The following PRH1 variants were observed in gnomAD, a reference collection of about 807,000 sequenced individuals.
PRH1 encodes salivary acidic proline-rich phosphoprotein 1/2.
Under a neutral mutation model 7.9 loss-of-function variants are expected in PRH1, and 7 were observed. The observed-to-expected ratio is 0.89, with a 90% CI of 0.50 to 1.67. The LOEUF is 1.67. Among genes scored for constraint, PRH1 ranks in the 40% most tolerant of loss-of-function variants. The probability of loss-of-function intolerance (pLI) is 0.00; values close to 1 mark genes in which losing one functional copy is unlikely to be tolerated. For synonymous variants in PRH1, 45 were observed against 80.8 expected (o/e 0.56, Z 2.38); for missense variants, 109 against 223.6 (o/e 0.49, Z 3.27).
intron 1 of PRH1, chr12:11,091,771 C>T (rs374071892): frequency 0.27 from 199,021 of 729,380 alleles, 65,299 homozygotes; most frequent in Admixed American, 0.41. Flanking sequence ...CTTTTGTCCG[C>T]ACAATCTCAT....
At chr12:11,108,314 A>G (rs548006532) in intron 1 of PRH1, among the ~76,000 whole-genome samples, 32 of 152,348 alleles carry the variant, frequency 2.1e-4, no homozygotes, top group African/African-American at 7.5e-4. Context: ...GTGCATAAAC[A>G]TCACTTAAAT....
chr12:10,890,436 C>T (rs1949555015), intron 2 of PRH1, among the ~76,000 whole-genome samples: 1 of 151,962 alleles, frequency 6.6e-6, no homozygotes, highest in African/African-American at 2.4e-5. Context: ...TTGTTCAATC[C>T]TCATCAGTTG....
chr12:11,028,837 C>T (rs780314443), intron 1 of PRH1, among the ~76,000 whole-genome samples: 83 of 143,580 alleles, frequency 5.8e-4, no homozygotes, highest in South Asian at 9.3e-4. Context: ...AATAGCCAAA[C>T]TTTTCCTTAG....
chr12:11,124,090 G>T (rs2597933), intron 1 of PRH1, among the ~76,000 whole-genome samples: 1 of 151,872 alleles, frequency 6.6e-6, no homozygotes, highest in African/African-American at 2.4e-5. Flanking sequence ...GAAAGAAACC[G>T]GAAATGAAGT....
In PRH1 at chr12:11,168,279, A is replaced by G. The variant is rs867230602; in HGVS notation, n.39+3143T>C. ...AAGAAAGAAAGAAAGAAAGAAAGAAAGAAAGAAAGAAAGAAAGAAAGAAGG... is the reference window on the plus strand; with the variant it reads ...AAGAAAGAAAGAAAGAAAGAAAGAAGGAAAGAAAGAAAGAAAGAAAGAAGG... On this transcript the variant is annotated intron_variant and non_coding_transcript_variant, in intron 1 of 1. Coordinates refer to the PRH1 transcript ENST00000541175. 3.6e-3 allele frequency among the ~76,000 whole-genome samples: 121 copies of G among 33,388 alleles called. 30 individuals carry two copies. Among genetic ancestry groups the G allele is most frequent in the South Asian group, 9.6e-3 (10 of 1,040 alleles). 21.9% of individuals were successfully genotyped at this position (33,388 alleles called of 152,430 possible).
At chr12:11,055,976 A>T (rs1480931507) in intron 1 of PRH1, among the ~76,000 whole-genome samples, 2 of 152,280 alleles carry the variant, frequency 1.3e-5, no homozygotes, top group Non-Finnish European at 2.9e-5. Flanking sequence ...ATAATTTTGT[A>T]TAACTTATTG....
chr12:11,148,680 T>A (rs1946952905), intron 1 of PRH1, among the ~76,000 whole-genome samples: 1 of 117,058 alleles, frequency 8.5e-6, no homozygotes. Flanking sequence ...GCTGCTGGAT[T>A]CGGTTTGCCA....
intron 1 of PRH1, chr12:10,998,017 A>C: frequency 3.4e-6 from 2 of 591,010 alleles, no homozygotes; most frequent in Non-Finnish European, 5.7e-6. Context: ...TCTGTGAACA[A>C]TGTCAACAGA....
At chr12:10,986,347 CTGTATTCCT>C in intron 1 of PRH1, 1 of 1,613,980 alleles carries the variant, frequency 6.2e-7, no homozygotes, top group Non-Finnish European at 8.5e-7. Flanking sequence ...GAAAGATGTA[CTGTATTCCT>C]CAATTTCATC....
chr12:10,917,592 T>C (rs556977198), intron 2 of PRH1, among the ~76,000 whole-genome samples: 5 of 152,196 alleles, frequency 3.3e-5, no homozygotes, highest in Non-Finnish European at 7.3e-5. Context: ...CCCAGTGAAG[T>C]CTAGTGTTCT....
intron 1 of PRH1, among the ~76,000 whole-genome samples, chr12:11,072,572 A>G (rs1467654847): frequency 3.9e-5 from 6 of 152,238 alleles, no homozygotes; most frequent in African/African-American, 1.4e-4. Flanking sequence ...TACCATGACA[A>G]AACACTTGAA....
intron 2 of PRH1, among the ~76,000 whole-genome samples, chr12:10,903,121 C>T (rs1949746692): frequency 2.0e-5 from 3 of 152,100 alleles, no homozygotes; most frequent in African/African-American, 4.8e-5. Context: ...ACCCATCTCA[C>T]ATGTAATGTT....
downstream of PRH1, among the ~76,000 whole-genome samples, chr12:11,117,370 G>C (rs896893815): frequency 1.3e-5 from 2 of 151,838 alleles, no homozygotes; most frequent in African/African-American, 4.8e-5. Context: ...AGATGAAATA[G>C]CTCTATAATG....
chr12:10,904,818 C>A (rs1011700344), intron 2 of PRH1, among the ~76,000 whole-genome samples: 1 of 151,932 alleles, frequency 6.6e-6, no homozygotes, highest in Non-Finnish European at 1.5e-5. Flanking sequence ...GGAATGGAAA[C>A]AATTGAACAA....
intron 1 of PRH1, among the ~76,000 whole-genome samples, chr12:10,981,365 A>AT (rs528019045): frequency 0.09 from 9,988 of 111,210 alleles, 822 homozygotes; most frequent in Non-Finnish European, 0.12. Context: ...TTACTTCTGG[A>AT]TTTTTTTTTT....
Position 11,092,375 on chromosome 12 carries a change from C to G in PRH1, n.124-45187G>C. 4 of 475,598 alleles carry G rather than the reference C, an allele frequency of 8.4e-6. 1 individual carries two copies. The highest frequency in any genetic ancestry group is 1.5e-5 in the Non-Finnish European group (4 of 260,478). 29.5% of individuals were successfully genotyped at this position (475,598 alleles called of 1,614,324 possible). A position where few individuals can be genotyped will look rare whatever the true frequency, so the allele number is the denominator to read the frequency against. On this transcript the variant is annotated intron_variant and non_coding_transcript_variant, in intron 1 of 4. Transcript: ENST00000541977. ...TGCTGCTCTTAAAGATGGTGTGGAC[C>G]CAAAGAGTGAGCAACAGCAAGGTTT...
intron 1 of PRH1, among the ~76,000 whole-genome samples, chr12:11,001,166 G>T (rs528688054): frequency 2.6e-5 from 4 of 151,516 alleles, no homozygotes; most frequent in Non-Finnish European, 5.9e-5. Context: ...TTTTTTTTAG[G>T]GGGGGATAGC....
rs772480907 is a variant in PRH1, at chr12:11,133,882, T to C, written n.40-12702A>G. 6.2e-6 allele frequency: 10 copies of C among 1,614,010 alleles called. No individual in the cohort carries two copies. The highest frequency in any genetic ancestry group is 1.7e-5 in the Admixed American group (1 of 59,980). On this transcript the variant is annotated intron_variant and non_coding_transcript_variant, in intron 1 of 1. Coordinates refer to the PRH1 transcript ENST00000541175. Reference sequence around the variant, plus strand: ...GAACAACACTCTTAACTCTCCTCTTTATGCGAAGAAAAATAAGGTTGGAGA... The same window carrying C: ...GAACAACACTCTTAACTCTCCTCTTCATGCGAAGAAAAATAAGGTTGGAGA...
chr12:11,061,535 T>C, intron 1 of PRH1: 1 of 1,614,122 alleles, frequency 6.2e-7, no homozygotes, highest in Non-Finnish European at 8.5e-7. Flanking sequence ...TTTTCCAGAC[T>C]CTCAAAACTC....
Sources: gnomAD v4.1 joint callset for allele counts (sites outside exome capture counted in the v4.1 genomes callset) on GRCh38, gnomAD v4.1.1 for gene constraint, MANE v1.5 for transcripts, NCBI Gene and HGNC (gene_info 2026-07-23, HGNC 2026-07-21) for gene names.